Variants in GRID2 observed in about 807,000 individuals in gnomAD.
GRID2 encodes glutamate receptor ionotropic, delta-2.
GRID2 carries 33 observed loss-of-function variants against 114.8 expected under a neutral mutation model. The observed-to-expected ratio is 0.29, with a 90% confidence interval of 0.22 to 0.38. GRID2 has a LOEUF of 0.38. Ranked by LOEUF, GRID2 falls within the 10% of genes least tolerant of loss-of-function variation. The pLI, the probability that GRID2 is intolerant of heterozygous loss-of-function variation, is 1.00. For missense variants in GRID2, 1,184 were observed against 1,257.7 expected (o/e 0.94, Z 0.89); for synonymous variants, 505 against 449.9 (o/e 1.12, Z -1.55).
At chr4:93,666,505 T>C (rs764258822) in intron 14 of GRID2, among the ~76,000 whole-genome samples, 13 of 152,060 alleles carry the variant, frequency 8.5e-5, no homozygotes, top group Non-Finnish European at 1.5e-4. Flanking sequence ...GTGCAATAAT[T>C]ATTATAAGCA....
At chr4:93,193,543 GT>G (rs1741199291) in intron 4 of GRID2, among the ~76,000 whole-genome samples, 1 of 152,114 alleles carries the variant, frequency 6.6e-6, no homozygotes, top group Non-Finnish European at 1.5e-5. Context: ...ATGATTGTAA[GT>G]TTCCTGAGGC....
chr4:93,029,205 GA>G (rs1464564002), intron 2 of GRID2, among the ~76,000 whole-genome samples: 1 of 151,850 alleles, frequency 6.6e-6, no homozygotes, highest in African/African-American at 2.4e-5. Flanking sequence ...TAGAAATAAA[GA>G]AAAACTTTAT....
At chr4:92,337,422 A>T (rs1394424058) in intron 1 of GRID2, among the ~76,000 whole-genome samples, 1 of 152,136 alleles carries the variant, frequency 6.6e-6, no homozygotes, top group East Asian at 1.9e-4. Flanking sequence ...TAAGCAATTT[A>T]TTGAGGAATG....
rs562834132 is a variant in GRID2 at position 92,667,997 on chromosome 4, G to A, written c.244+77711G>A. ...AGAGCTTTCAGCATGTGGTACTACC[G>A]GTATCATCAAACTGAAAAAGCAGAA... On this transcript the variant is annotated intron_variant, in intron 2 of 15. Transcript: ENST00000282020. 8.6e-5 allele frequency among the ~76,000 whole-genome samples: 13 copies of A among 151,788 alleles called. No homozygotes were observed. In the South Asian group the frequency reaches 2.5e-3, roughly 29 times the overall value.
chr4:93,224,683 C>T lies in GRID2; in HGVS notation c.1033C>T (p.Arg345Ter), dbSNP rs2149492412. The change falls in exon 7 of 16, where the codon CGA (arginine) becomes TGA (stop). Residue 345 changes from arginine to a stop codon, truncating the protein, a stop_gained. Transcript: ENST00000282020. LOFTEE classifies it high-confidence loss of function. Reference protein sequence around the residue: ...ANAFHKKLEDRKWHSMASLSC... With the variant: ...ANAFHKKLED ...TGCTTTTCATAAGAAGCTGGAGGAC[C>T]GAAAGTGGCACAGCATGGCAAGTCT... The T allele has an allele frequency of 6.2e-7, 1 of 1,611,136 alleles. No homozygotes were observed. The highest frequency in any genetic ancestry group is 8.5e-7 in the Non-Finnish European group (1 of 1,177,824).
chr4:92,655,189 C>T (rs937657385), intron 2 of GRID2, among the ~76,000 whole-genome samples: 9 of 151,822 alleles, frequency 5.9e-5, no homozygotes, highest in East Asian at 3.9e-4. Flanking sequence ...TTGTCAAAGA[C>T]GAGTTGGCGT....
At chr4:93,326,531 A>G (rs1315016500) in intron 8 of GRID2, among the ~76,000 whole-genome samples, 1 of 152,114 alleles carries the variant, frequency 6.6e-6, no homozygotes, top group Non-Finnish European at 1.5e-5. Flanking sequence ...AAGGAGAGTA[A>G]ACTTCTCCAA....
At chr4:93,739,324 C>T (rs961272662) in intron 14 of GRID2, among the ~76,000 whole-genome samples, 1 of 152,104 alleles carries the variant, frequency 6.6e-6, no homozygotes, top group Non-Finnish European at 1.5e-5. Flanking sequence ...AAACTAGGTA[C>T]AATTTCTTCA....
chr4:93,765,496 C>G (rs1035664596), intron 14 of GRID2, among the ~76,000 whole-genome samples: 5 of 151,682 alleles, frequency 3.3e-5, no homozygotes, highest in Admixed American at 2.6e-4. Context: ...TCCTTCTTTC[C>G]CCTCGATGAT....
intron 1 of GRID2, among the ~76,000 whole-genome samples, chr4:92,438,608 G>GTT (rs1476924775): frequency 4.7e-5 from 7 of 149,346 alleles, no homozygotes; most frequent in Non-Finnish European, 9.0e-5. Flanking sequence ...GTGTGTGTGT[G>GTT]TTTCTATACT....
intron 8 of GRID2, among the ~76,000 whole-genome samples, chr4:93,382,481 T>TGAG (rs1763947743): frequency 6.6e-6 from 1 of 152,090 alleles, no homozygotes; most frequent in Admixed American, 6.6e-5. Flanking sequence ...TTACATTTGC[T>TGAG]GAGTCTTTCT....
chr4:93,463,728 G>A (rs1328021587), intron 11 of GRID2, among the ~76,000 whole-genome samples: 3 of 151,664 alleles, frequency 2.0e-5, no homozygotes, highest in Non-Finnish European at 2.9e-5. Context: ...GGTGGCTCAC[G>A]CCTGTAATCC....
At chr4:93,676,635 A>G (rs1454581655) in intron 14 of GRID2, among the ~76,000 whole-genome samples, 1 of 151,832 alleles carries the variant, frequency 6.6e-6, no homozygotes, top group East Asian at 1.9e-4. Context: ...AAATAAAAAC[A>G]CCTTCCTGTG....
At chr4:92,924,426 C>T (rs1432901690) in intron 2 of GRID2, among the ~76,000 whole-genome samples, 1 of 151,826 alleles carries the variant, frequency 6.6e-6, no homozygotes, top group Admixed American at 6.6e-5. Context: ...ATTATTCGGT[C>T]CTCTAAAGTG....
chr4:93,272,783 C>T (rs903164702), intron 8 of GRID2, among the ~76,000 whole-genome samples: 1 of 152,232 alleles, frequency 6.6e-6, no homozygotes, highest in East Asian at 1.9e-4. Context: ...GGGTGGCAGT[C>T]GACATGCAAA....
intron 2 of GRID2, among the ~76,000 whole-genome samples, chr4:92,729,734 G>C (rs1353703612): frequency 6.6e-6 from 1 of 151,918 alleles, no homozygotes. Flanking sequence ...ATCAGTATGA[G>C]ACCAAAACAG....
intron 1 of GRID2, among the ~76,000 whole-genome samples, chr4:92,481,458 T>C (rs953449528): frequency 2.0e-5 from 3 of 152,198 alleles, no homozygotes; most frequent in African/African-American, 7.2e-5. Context: ...ATTTACTGAA[T>C]AAGGAGTCTT....
At chr4:93,200,566 AAAACAAACAAAC>A (rs35790342) in intron 4 of GRID2, among the ~76,000 whole-genome samples, 1 of 149,762 alleles carries the variant, frequency 6.7e-6, no homozygotes, top group Non-Finnish European at 1.5e-5. Flanking sequence ...ACTCCGTCTC[AAAACAAACAAAC>A]AAACAAACAA....
At chr4:93,709,533 T>C (rs988572203) in intron 14 of GRID2, among the ~76,000 whole-genome samples, 2 of 152,198 alleles carry the variant, frequency 1.3e-5, no homozygotes, top group African/African-American at 2.4e-5. Flanking sequence ...CTTTGGGAGT[T>C]TGATTATTAA....
Sources: allele counts gnomAD v4.1 joint callset (sites outside exome capture counted in the v4.1 genomes callset), GRCh38; gene constraint gnomAD v4.1.1; transcripts MANE v1.5; gene names NCBI Gene and HGNC (gene_info 2026-07-23, HGNC 2026-07-21).